The following CLSTN1 variants were observed in gnomAD, a reference collection of about 807,000 sequenced individuals.
CLSTN1 encodes the protein calsyntenin 1.
Under a neutral mutation model 108.3 loss-of-function variants are expected in CLSTN1, and 28 were observed. The ratio of observed to expected loss-of-function variants is 0.26; its 90% CI spans 0.19 to 0.35. The LOEUF (loss-of-function observed/expected upper bound fraction) is 0.35, where lower values mean the gene tolerates loss of function less well. CLSTN1 is among the 10% of genes least tolerant of loss of function. The pLI is 1.00. For synonymous variants in CLSTN1, 524 were observed against 534.9 expected (o/e 0.98, Z 0.28); for missense variants, 1,157 against 1,302.6 (o/e 0.89, Z 1.72).
At chr1:9,796,728 G>C (rs1654026583) in intron 1 of CLSTN1, among the ~76,000 whole-genome samples, 1 of 152,120 alleles carries the variant, frequency 6.6e-6, no homozygotes, top group African/African-American at 2.4e-5. Context: ...TTTACAACAG[G>C]TTTAATGACC....
In CLSTN1 at chr1:9,730,344, G is replaced by C; in HGVS notation, c.*164C>G. On this transcript the variant is annotated 3_prime_UTR_variant, in exon 19 of 19. Coordinates refer to ENST00000377298, the MANE Select transcript of CLSTN1 (RefSeq NM_001009566.3). This position sits in a 1 kb window ranked among gnomAD's most constrained non-coding sequence, Gnocchi z 5.6. ...GCGCGACCAGGCAGAGGGTGGGCGG[G>C]GAGCCTAGGGTCCTACACACCAAGC... The C allele has an allele frequency of 1.4e-6, 1 of 694,464 alleles. No individual in the cohort carries two copies. Among genetic ancestry groups the C allele is most frequent in the Non-Finnish European group, 2.6e-6 (1 of 391,264 alleles). The allele number at this position is 694,464 out of a possible 1,614,324, so 43.0% of individuals were successfully genotyped here.
chr1:9,758,417 G>A (rs990551552), intron 2 of CLSTN1, among the ~76,000 whole-genome samples: 2 of 152,064 alleles, frequency 1.3e-5, no homozygotes, highest in South Asian at 2.1e-4. Context: ...GGGTTCAAGC[G>A]ATTCTCATGC....
In CLSTN1 at chr1:9,735,067, G is replaced by A. The variant is rs1650610640; in HGVS notation, c.1991C>T (p.Ala664Val). 4 of 1,614,218 alleles carry A rather than the reference G, an allele frequency of 2.5e-6. No homozygotes were observed. In the East Asian group the frequency reaches 8.9e-5, roughly 36 times the overall value. ...KISLSGVHHF[A>V]RAASEFESSE... ...GCTTTCAAATTCAGAAGCTGCTCGG[G>A]CAAAATGGTGGACGCCACTCAGGCT... The change falls in exon 14 of 19, where the codon GCC (alanine) becomes GTC (valine). Residue 664 changes from alanine to valine, a missense_variant. By Grantham distance (64) the Ala-to-Val change is moderately conservative. Coordinates refer to ENST00000377298, the MANE Select transcript of CLSTN1 (RefSeq NM_001009566.3).
chr1:9,812,317 C>T (rs1053839732), intron 1 of CLSTN1, among the ~76,000 whole-genome samples: 6 of 152,080 alleles, frequency 3.9e-5, no homozygotes, highest in Admixed American at 2.6e-4. Context: ...GGGAAACTTG[C>T]ACCCTGAAGC....
intron 1 of CLSTN1, among the ~76,000 whole-genome samples, chr1:9,787,029 G>A (rs1427349078): frequency 6.6e-6 from 1 of 151,382 alleles, no homozygotes; most frequent in African/African-American, 2.4e-5. Flanking sequence ...CGAAGTTGGG[G>A]GTGAAGAGGT....
intron 1 of CLSTN1, among the ~76,000 whole-genome samples, chr1:9,822,590 G>A (rs1161894763): frequency 6.6e-6 from 1 of 152,054 alleles, no homozygotes; most frequent in Admixed American, 6.6e-5. Flanking sequence ...AGATTCTACA[G>A]ACTACACCTA....
rs1365842128 is a variant in CLSTN1 at position 9,795,199 on chromosome 1, CTT to C, written c.92-21807_92-21806del. Among the ~76,000 whole-genome samples, 16 of 143,334 alleles carry C rather than the reference CTT, an allele frequency of 1.1e-4. No individual in the cohort carries two copies. The Admixed American group carries it at 1.2e-3, about 11-fold the overall frequency. 94.0% of individuals were successfully genotyped at this position (143,334 alleles called of 152,430 possible). On this transcript the variant is annotated intron_variant, in intron 1 of 18. Coordinates refer to ENST00000377298, the MANE Select transcript of CLSTN1 (RefSeq NM_001009566.3). The stretch of plus-strand genomic sequence containing the variant: ...TTTTTTTTTGAGGTGGAGTTTCGTT[CTT>C]GTCGCCCAGGCTGGAGTACAGTGGC...
At chr1:9,789,598 C>T (rs1170902359) in intron 1 of CLSTN1, among the ~76,000 whole-genome samples, 3 of 151,426 alleles carry the variant, frequency 2.0e-5, no homozygotes, top group Non-Finnish European at 4.4e-5. Flanking sequence ...CATATAACTT[C>T]CCCTCTCAAT....
At position 9,781,308 on chromosome 1, in the gene CLSTN1, G is replaced by A. The variant is rs1038802724; in HGVS notation, c.92-7914C>T. 38 of 648,422 alleles carry A rather than the reference G, an allele frequency of 5.9e-5. No homozygotes were observed. The Admixed American group carries it at 7.0e-4, about 12-fold the overall frequency. 40.2% of individuals were successfully genotyped at this position (648,422 alleles called of 1,614,324 possible). On this transcript the variant is annotated intron_variant, in intron 1 of 18. Coordinates refer to ENST00000377298, the MANE Select transcript of CLSTN1 (RefSeq NM_001009566.3). The stretch of plus-strand genomic sequence containing the variant: ...AGGATTTAAAGATTGCACTGTAGTC[G>A]AGAATGTACAATGATACTGAATGCA...
chr1:9,799,055 C>A (rs1277498616), intron 1 of CLSTN1, among the ~76,000 whole-genome samples: 1 of 151,922 alleles, frequency 6.6e-6, no homozygotes, highest in Non-Finnish European at 1.5e-5. Context: ...GTGGTGCACG[C>A]CCATGGTCCC....
At chr1:9,808,626 G>T (rs908382968) in intron 1 of CLSTN1, among the ~76,000 whole-genome samples, 1 of 152,092 alleles carries the variant, frequency 6.6e-6, no homozygotes, top group African/African-American at 2.4e-5. Context: ...AGGTAGTCAG[G>T]AATTTCAGCA....
chr1:9,738,240 G>C (rs1327412095), intron 10 of CLSTN1, among the ~76,000 whole-genome samples: 2 of 152,150 alleles, frequency 1.3e-5, no homozygotes, highest in Non-Finnish European at 1.5e-5. Flanking sequence ...TCTAGCTCCT[G>C]GATCCAGTGT....
intron 5 of CLSTN1, 66 bp from the exon 6 acceptor site, chr1:9,749,979 G>A (rs926328687): frequency 7.2e-7 from 1 of 1,391,344 alleles, no homozygotes; most frequent in African/African-American, 1.4e-5. Flanking sequence ...GTTGTCCTAG[G>A]CGGAAAGACA....
At chr1:9,816,659 T>C (rs1466871625) in intron 1 of CLSTN1, among the ~76,000 whole-genome samples, 1 of 152,080 alleles carries the variant, frequency 6.6e-6, no homozygotes, top group African/African-American at 2.4e-5. Flanking sequence ...GTGGTCTTTT[T>C]TTTTGAGATG....
At chr1:9,794,112 A>G (rs766311570) in intron 1 of CLSTN1, among the ~76,000 whole-genome samples, 1 of 151,476 alleles carries the variant, frequency 6.6e-6, no homozygotes, top group Non-Finnish European at 1.5e-5. Context: ...AAAGAACCTC[A>G]GCAATTTAAT....
chr1:9,822,934 T>C (rs1284276880), intron 1 of CLSTN1, among the ~76,000 whole-genome samples: 2 of 151,998 alleles, frequency 1.3e-5, no homozygotes, highest in African/African-American at 2.4e-5. Context: ...GAGACGGAGA[T>C]TTCTAACACT....
At chr1:9,814,439 C>T (rs1265269996) in intron 1 of CLSTN1, among the ~76,000 whole-genome samples, 1 of 151,980 alleles carries the variant, frequency 6.6e-6, no homozygotes, top group Non-Finnish European at 1.5e-5. Flanking sequence ...AGAAGATATT[C>T]ATTTTTACTG....
At chr1:9,738,000 A>G (rs1386505464) in intron 10 of CLSTN1, among the ~76,000 whole-genome samples, 3 of 152,230 alleles carry the variant, frequency 2.0e-5, no homozygotes, top group Non-Finnish European at 4.4e-5. Flanking sequence ...ACAAAAAGGC[A>G]TAGCACACAC....
chr1:9,740,679 C>T (rs113712524), intron 10 of CLSTN1, among the ~76,000 whole-genome samples: 1,621 of 152,318 alleles, frequency 0.011, 26 homozygotes, highest in African/African-American at 0.036. Flanking sequence ...GTGATAAACA[C>T]TCTGGAAGAG....
Sources: gnomAD v4.1 joint callset for allele counts (sites outside exome capture counted in the v4.1 genomes callset) on GRCh38, gnomAD v4.1.1 for gene constraint, Gnocchi (gnomAD v3.1) non-coding constraint, MANE v1.5 for transcripts, NCBI Gene and HGNC (gene_info 2026-07-23, HGNC 2026-07-21) for gene names.